ELFN2: variants seen among roughly 807,000 people sequenced by gnomAD.
The protein encoded by ELFN2 is extracellular leucine rich repeat and fibronectin type III domain containing 2.
ELFN2 carries 17 observed loss-of-function variants against 45.5 expected under a neutral mutation model. That is an observed-to-expected ratio of 0.37 (90% confidence interval 0.26 to 0.56). ELFN2 has a LOEUF of 0.56. ELFN2 is among the 20% of genes least tolerant of loss of function. ELFN2 has a pLI of 0.77. For synonymous variants in ELFN2, 550 were observed against 551.5 expected (o/e 1.00, Z 0.04); for missense variants, 922 against 1,183.2 (o/e 0.78, Z 3.24).
intron 2 of ELFN2, among the ~76,000 whole-genome samples, chr22:37,412,101 T>C (rs746361719): frequency 7.0e-4 from 106 of 151,690 alleles, no homozygotes; most frequent in Non-Finnish European, 1.1e-3. Context: ...TCCCAGCATT[T>C]TGGGAGGCCG....
chr22:37,347,269 A>G (rs2003824), intron 1 of ELFN2, among the ~76,000 whole-genome samples: 67,720 of 151,860 alleles, frequency 0.45, 15,451 homozygotes, highest in Middle Eastern at 0.53. Flanking sequence ...GTGAGCCACC[A>G]CGCCTGGCCT....
At chr22:37,414,624 T>C (rs1341779498) in intron 2 of ELFN2, among the ~76,000 whole-genome samples, 1 of 152,150 alleles carries the variant, frequency 6.6e-6, no homozygotes, top group Admixed American at 6.5e-5. Flanking sequence ...TAACCCTGCT[T>C]CCATTAATAG....
intron 1 of ELFN2, among the ~76,000 whole-genome samples, chr22:37,345,704 C>G: frequency 6.6e-6 from 1 of 152,104 alleles, no homozygotes; most frequent in East Asian, 1.9e-4. Flanking sequence ...CGTGCCACCA[C>G]GCCCAGCTAA....
chr22:37,382,613 G>A (rs1931821639), intron 2 of ELFN2, among the ~76,000 whole-genome samples: 2 of 142,414 alleles, frequency 1.4e-5, no homozygotes, highest in East Asian at 2.2e-4. Flanking sequence ...GCAGTGGCAC[G>A]ATCTCGGCTC....
At chr22:37,390,446 C>CTTACCCAGGCTGG (rs1932061365) in intron 2 of ELFN2, among the ~76,000 whole-genome samples, 1 of 152,190 alleles carries the variant, frequency 6.6e-6, no homozygotes, top group African/African-American at 2.4e-5. Flanking sequence ...AAAGGGTGGC[C>CTTACCCAGGCTGG]CAAACCTTAC....
chr22:37,379,038 G>C (rs921136227), intron 2 of ELFN2, among the ~76,000 whole-genome samples: 1 of 152,228 alleles, frequency 6.6e-6, no homozygotes. Flanking sequence ...CACATACCCA[G>C]GTGGTGAGAG....
chr22:37,383,997 G>A (rs1331592266), intron 2 of ELFN2, among the ~76,000 whole-genome samples: 1 of 152,056 alleles, frequency 6.6e-6, no homozygotes, highest in Non-Finnish European at 1.5e-5. Context: ...GTACACATGT[G>A]TCTCTGGTTT....
At chr22:37,364,947 A>G (rs963081020), downstream of ELFN2, among the ~76,000 whole-genome samples, 1 of 152,210 alleles carries the variant, frequency 6.6e-6, no homozygotes, top group Non-Finnish European at 1.5e-5. Flanking sequence ...GAGAAGGAGC[A>G]GGAATGCTTC....
At chr22:37,349,251 G>A (rs1403982858) in intron 1 of ELFN2, among the ~76,000 whole-genome samples, 2 of 151,188 alleles carry the variant, frequency 1.3e-5, no homozygotes, top group African/African-American at 4.8e-5. Flanking sequence ...GGGTGCTTGT[G>A]AGAACCAGAG....
At chr22:37,342,909 G>A (rs749166243) in intron 1 of ELFN2, among the ~76,000 whole-genome samples, 3 of 152,146 alleles carry the variant, frequency 2.0e-5, no homozygotes, top group East Asian at 1.9e-4. Context: ...TTGGAAGATG[G>A]AGAAATGGTA....
intron 1 of ELFN2, among the ~76,000 whole-genome samples, chr22:37,344,331 C>A (rs189675361): frequency 6.6e-6 from 1 of 151,660 alleles, no homozygotes; most frequent in African/African-American, 2.4e-5. Context: ...ACACACACTG[C>A]TCCCACAGAT....
intron 2 of ELFN2, among the ~76,000 whole-genome samples, chr22:37,378,402 T>C (rs532730283): frequency 5.3e-5 from 8 of 152,354 alleles, no homozygotes; most frequent in Middle Eastern, 3.4e-3. Context: ...ACCCAGGGTA[T>C]TGGGCAAAGC....
At chr22:37,357,217 G>A (rs1488611110) in intron 1 of ELFN2, among the ~76,000 whole-genome samples, 1 of 152,174 alleles carries the variant, frequency 6.6e-6, no homozygotes, top group Non-Finnish European at 1.5e-5. Context: ...CCTGTCAGCT[G>A]CCTTTTTAGG....
At chr22:37,419,860 G>A (rs1322645181) in intron 1 of ELFN2, among the ~76,000 whole-genome samples, 2 of 152,048 alleles carry the variant, frequency 1.3e-5, no homozygotes, top group African/African-American at 4.8e-5. Flanking sequence ...CCAGCAACTC[G>A]CCGGGTCCTG....
intron 1 of ELFN2, among the ~76,000 whole-genome samples, chr22:37,343,152 A>G (rs1236214089): frequency 1.3e-5 from 2 of 152,142 alleles, no homozygotes; most frequent in African/African-American, 4.8e-5. Context: ...AGGCCACAGC[A>G]GGGCGGCGAC....
chr22:37,409,148 G>A (rs530908545), intron 2 of ELFN2, among the ~76,000 whole-genome samples: 1 of 152,164 alleles, frequency 6.6e-6, no homozygotes, highest in Non-Finnish European at 1.5e-5. Context: ...GAGAGCCACA[G>A]GCCAGGGACC....
At position 37,425,831 on chromosome 22, in the gene ELFN2, G is replaced by A. The variant is rs563640398; in HGVS notation, c.-614+1467C>T. 5.3e-5 allele frequency among the ~76,000 whole-genome samples: 8 copies of A among 150,438 alleles called. 1 individual carries two copies. The highest frequency in any genetic ancestry group is 3.9e-4 in the East Asian group (2 of 5,078). ...CGTGACACGTCCCACAGGTGTCCAC[G>A]GGCCACGAGAACAGGGGTGTCAGCC... On this transcript the variant is annotated intron_variant, in intron 1 of 2. Transcript: ENST00000402918.
intron 2 of ELFN2, among the ~76,000 whole-genome samples, chr22:37,402,262 G>C (rs902825713): frequency 6.6e-6 from 1 of 152,218 alleles, no homozygotes; most frequent in African/African-American, 2.4e-5. Context: ...TCCATTTGTA[G>C]AGTTTGTCTT....
In ELFN2 at chr22:37,391,457, C is replaced by A. The variant is rs146091381; in HGVS notation, c.-462-15461G>T. 1.7e-4 allele frequency among the ~76,000 whole-genome samples: 26 copies of A among 152,254 alleles called. No homozygotes were observed. In the South Asian group the frequency reaches 3.9e-3, roughly 23 times the overall value. ...GGCCCAGGAACAGAGGAGCACACCG[C>A]GCCGGCACCCGCTGTGTGCCAGGCC... On this transcript the variant is annotated intron_variant, in intron 2 of 2. Coordinates refer to ENST00000402918, the MANE Select transcript of ELFN2 (RefSeq NM_052906.5).
Sources: allele counts gnomAD v4.1 joint callset (sites outside exome capture counted in the v4.1 genomes callset), GRCh38; gene constraint gnomAD v4.1.1; transcripts MANE v1.5; gene names NCBI Gene and HGNC (gene_info 2026-07-23, HGNC 2026-07-21).